SUPT7L: variants seen among roughly 807,000 people sequenced by gnomAD.
The protein encoded by SUPT7L is STAGA complex 65 subunit gamma.
In SUPT7L, 15 loss-of-function variants were observed where a neutral mutation model predicts 35.7. That is an observed-to-expected ratio of 0.42 (90% CI 0.28 to 0.65). SUPT7L has a LOEUF of 0.65. Ranked by LOEUF, SUPT7L falls within the 30% of genes least tolerant of loss-of-function variation. The pLI is 0.23. For missense variants in SUPT7L, 434 were observed against 522.2 expected (o/e 0.83, Z 1.65); for synonymous variants, 168 against 186.2 (o/e 0.90, Z 0.79).
chr2:27,655,727 A>G lies in SUPT7L; in HGVS notation c.745-125T>C. ...CAGAATTTTAAAACATTCACTGCCA[A>G]TGGGAGGGATTTGTTTAAGGTGCTG... On this transcript the variant is annotated intron_variant, in intron 4 of 5. Coordinates refer to ENST00000337768, the MANE Select transcript of SUPT7L (RefSeq NM_014860.3). 10 of 814,982 alleles carry G rather than the reference A, an allele frequency of 1.2e-5. No individual in the cohort carries two copies. The South Asian group carries it at 1.8e-4, about 15-fold the overall frequency. 50.5% of individuals were successfully genotyped at this position (814,982 alleles called of 1,614,324 possible).
At chr2:27,656,946 T>C (rs1473075479) in intron 4 of SUPT7L, among the ~76,000 whole-genome samples, 1 of 152,190 alleles carries the variant, frequency 6.6e-6, no homozygotes, top group African/African-American at 2.4e-5. Flanking sequence ...GCTCCTGAAA[T>C]TGTTTTGATT....
chr2:27,660,208 T>A (rs193142640), intron 3 of SUPT7L, among the ~76,000 whole-genome samples: 17 of 152,100 alleles, frequency 1.1e-4, no homozygotes, highest in African/African-American at 3.9e-4. Context: ...GTAGCAGGGA[T>A]CAATAACATT....
At chr2:27,655,187 T>C (rs1674736249) in intron 5 of SUPT7L, among the ~76,000 whole-genome samples, 178 bp downstream of exon 5, 1 of 152,188 alleles carries the variant, frequency 6.6e-6, no homozygotes, top group South Asian at 2.1e-4. Context: ...TCTTCACTAA[T>C]TAGAAAGAGA....
chr2:27,653,820 A>G (rs541705702), intron 5 of SUPT7L, 73 bp from the exon 6 acceptor site: 4 of 1,571,226 alleles, frequency 2.5e-6, no homozygotes, highest in East Asian at 4.5e-5. Flanking sequence ...GAGTAAATAT[A>G]TCACTCAGAA....
In SUPT7L at chr2:27,651,870, G is replaced by A. The variant is rs1674571451; in HGVS notation, c.*1615C>T. The A allele has an allele frequency of 2.0e-5, 3 of 152,252 alleles. No individual in the cohort carries two copies. The highest frequency in any genetic ancestry group is 4.8e-5 in the African/African-American group (2 of 41,456). The allele number at this position is 152,252 out of a possible 1,614,324, so 9.4% of individuals were successfully genotyped here. On this transcript the variant is annotated 3_prime_UTR_variant, in exon 6 of 6. Coordinates refer to ENST00000337768, the MANE Select transcript of SUPT7L (RefSeq NM_014860.3). ...GAAGATAAGACTGCAACAGAGGCCA[G>A]GTGCAGTGGCTCACGCCTGTAATCC...
rs935016446 is a variant in SUPT7L at position 27,663,592 on chromosome 2, G to C, written c.-353C>G. The C allele has an allele frequency of 6.2e-6, 4 of 649,174 alleles. No homozygotes were observed. The highest frequency in any genetic ancestry group is 5.8e-5 in the Admixed American group (2 of 34,522). The allele number at this position is 649,174 out of a possible 1,614,324, so 40.2% of individuals were successfully genotyped here. A position where few individuals can be genotyped will look rare whatever the true frequency, so the allele number is the denominator to read the frequency against. On this transcript the variant is annotated 5_prime_UTR_variant, in exon 1 of 6. Coordinates refer to ENST00000337768, the MANE Select transcript of SUPT7L (RefSeq NM_014860.3). ...GCAAGGATCGCGTCAGACCCCGAAAGCTGGTTTGTTGATTAGTGATCTAAG... is the reference window on the plus strand; with the variant it reads ...GCAAGGATCGCGTCAGACCCCGAAACCTGGTTTGTTGATTAGTGATCTAAG...
chr2:27,656,450 G>C (rs1674808061), intron 4 of SUPT7L, among the ~76,000 whole-genome samples: 1 of 152,038 alleles, frequency 6.6e-6, no homozygotes, highest in Admixed American at 6.6e-5. Flanking sequence ...ATTTTTTTGT[G>C]TATGTGCTTA....
chr2:27,662,051 T>C, intron 2 of SUPT7L, 128 bp downstream of exon 2: 1 of 1,287,246 alleles, frequency 7.8e-7, no homozygotes, highest in Non-Finnish European at 1.1e-6. Context: ...ATGTCATCTA[T>C]TCTCTACACT....
Position 27,653,469 on chromosome 2 carries a change from T to A in SUPT7L, c.*16A>T, listed in dbSNP as rs182154847. The stretch of plus-strand genomic sequence containing the variant: ...GGGTCTAGTAGGTCTGGACAAAACA[T>A]CTCCCTCTTTTCCTTTTATATTTTC... On this transcript the variant is annotated 3_prime_UTR_variant, in exon 6 of 6. Transcript: ENST00000337768. The A allele has an allele frequency of 4.2e-5, 67 of 1,609,746 alleles. No homozygotes were observed. In the Admixed American group the frequency reaches 6.2e-4, roughly 15 times the overall value.
chr2:27,644,498 T>C, the SUPT7L span, among the ~76,000 whole-genome samples: 1 of 152,112 alleles, frequency 6.6e-6, no homozygotes. Context: ...TAAGTCACAG[T>C]TAGGAAGCCT....
At chr2:27,650,143 A>T (rs142332359), downstream of SUPT7L, 358 of 1,607,392 alleles carry the variant, frequency 2.2e-4, 3 homozygotes, top group Middle Eastern at 0.011. Context: ...AAGAGCCAGC[A>T]TTCCAGAATT....
rs1674576940 is a variant in SUPT7L, at chr2:27,651,962, A to G, written c.*1523T>C. 6.6e-6 allele frequency: 1 copy of G among 152,278 alleles called. No homozygotes were observed. Among genetic ancestry groups the G allele is most frequent in the African/African-American group, 2.4e-5 (1 of 41,454 alleles). 9.4% of individuals were successfully genotyped at this position (152,278 alleles called of 1,614,324 possible). On this transcript the variant is annotated 3_prime_UTR_variant, in exon 6 of 6. Coordinates refer to ENST00000337768, the MANE Select transcript of SUPT7L (RefSeq NM_014860.3). ...AGGAGTTTTGAGACCAGCCTGGCCAACACGGTGAAACCTCATCTCTACTAA... is the reference window on the plus strand; with the variant it reads ...AGGAGTTTTGAGACCAGCCTGGCCAGCACGGTGAAACCTCATCTCTACTAA...
At chr2:27,642,715 C>T in the SUPT7L span, among the ~76,000 whole-genome samples, 2 of 152,074 alleles carry the variant, frequency 1.3e-5, no homozygotes, top group African/African-American at 4.8e-5. Context: ...CAGGCATGTG[C>T]CACCACACCC....
At chr2:27,662,537 CATTTTT>C (rs1259426897) in intron 1 of SUPT7L, among the ~76,000 whole-genome samples, 1 of 152,220 alleles carries the variant, frequency 6.6e-6, no homozygotes, top group Non-Finnish European at 1.5e-5. Flanking sequence ...GACTCATATT[CATTTTT>C]AAGTACAGCA....
In SUPT7L at chr2:27,657,403, A is replaced by C. The variant is rs770371850; in HGVS notation, c.686T>G (p.Leu229Arg). 8 of 1,614,080 alleles carry C rather than the reference A, an allele frequency of 5.0e-6. No homozygotes were observed. The highest frequency in any genetic ancestry group is 6.8e-6 in the Non-Finnish European group (8 of 1,180,042). ...GTGCTGCCAGAACTTCTGGAGGGAG[A>C]GCACACTGCCAATACCCACTTCATG... ...VFHEVGIGSV[L>R]SLQKFWQHRI... Residue 229 changes from leucine (L) to arginine (R), a missense_variant, in exon 4 of 6, where the codon CTC becomes CGC. By Grantham distance (102) the Leu-to-Arg change is moderately radical (BLOSUM62 -2). Coordinates refer to ENST00000337768, the MANE Select transcript of SUPT7L (RefSeq NM_014860.3). The surrounding 1 kb of genome is among the most constrained non-coding windows in gnomAD (Gnocchi z 5.2).
chr2:27,657,767 C>T lies in SUPT7L; in HGVS notation c.420-98G>A, dbSNP rs1438229415. Reference sequence around the variant, plus strand: ...TTTACAATTCCAGTCAAGCCACTGGCCTAGCTTTCCAGGGAAATTCCATCC... The same window carrying T: ...TTTACAATTCCAGTCAAGCCACTGGTCTAGCTTTCCAGGGAAATTCCATCC... On this transcript the variant is annotated intron_variant, in intron 3 of 5. Coordinates refer to ENST00000337768, the MANE Select transcript of SUPT7L (RefSeq NM_014860.3). This position sits in a 1 kb window ranked among gnomAD's most constrained non-coding sequence, Gnocchi z 5.2. The T allele has an allele frequency of 2.5e-6, 3 of 1,182,378 alleles. No individual in the cohort carries two copies. The highest frequency in any genetic ancestry group is 3.5e-6 in the Non-Finnish European group (3 of 856,106). The allele number at this position is 1,182,378 out of a possible 1,614,324, so 73.2% of individuals were successfully genotyped here.
the SUPT7L span, among the ~76,000 whole-genome samples, chr2:27,643,831 T>C: frequency 6.6e-6 from 1 of 152,222 alleles, no homozygotes; most frequent in Non-Finnish European, 1.5e-5. The surrounding 1 kb of genome is among the most constrained non-coding windows in gnomAD (Gnocchi z 4.0). Flanking sequence ...TTACTGGTGA[T>C]GTTAACTTTG....
downstream of SUPT7L, chr2:27,650,059 C>G (rs1306468898): frequency 4.3e-6 from 4 of 939,758 alleles, no homozygotes; most frequent in African/African-American, 1.6e-5. Flanking sequence ...GTGACGGGCT[C>G]TAATCAGTTT....
downstream of SUPT7L, among the ~76,000 whole-genome samples, chr2:27,646,856 G>A (rs1045436302): frequency 6.6e-6 from 1 of 152,126 alleles, no homozygotes; most frequent in African/African-American, 2.4e-5. Context: ...TACCAGTTAA[G>A]TGTACTCACT....
Sources: gnomAD v4.1 joint callset for allele counts (sites outside exome capture counted in the v4.1 genomes callset) on GRCh38, gnomAD v4.1.1 for gene constraint, Gnocchi (gnomAD v3.1) non-coding constraint, MANE v1.5 for transcripts, NCBI Gene and HGNC (gene_info 2026-07-23, HGNC 2026-07-21) for gene names.